TMTC2: variants seen among roughly 807,000 people sequenced by gnomAD.
TMTC2 encodes the protein protein O-mannosyl-transferase TMTC2.
TMTC2 carries 43 observed loss-of-function variants against 82.4 expected under a neutral mutation model. The ratio of observed to expected loss-of-function variants is 0.52; its 90% CI spans 0.41 to 0.67. The LOEUF is 0.67. TMTC2 is among the 30% of genes least tolerant of loss of function. The pLI is 0.00. For missense variants in TMTC2, 919 were observed against 1,012.4 expected, an observed-to-expected ratio of 0.91 and a Z score of 1.25; for synonymous variants, 408 against 381.9, an observed-to-expected ratio of 1.07 and a Z score of -0.80.
intron 7 of TMTC2, among the ~76,000 whole-genome samples, chr12:82,981,877 A>C (rs1878933658): frequency 6.6e-6 from 1 of 151,856 alleles, no homozygotes; most frequent in African/African-American, 2.4e-5. Flanking sequence ...AACTAAATGC[A>C]CTGATGGTAC....
At chr12:82,918,356 C>T (rs1875141888) in intron 3 of TMTC2, among the ~76,000 whole-genome samples, 1 of 152,168 alleles carries the variant, frequency 6.6e-6, no homozygotes, top group Admixed American at 6.5e-5. Flanking sequence ...ATGGAAGTAA[C>T]ACTTTGATTT....
chr12:82,966,774 G>A, intron 6 of TMTC2, 145 bp from the exon 7 acceptor site: 1 of 538,232 alleles, frequency 1.9e-6, no homozygotes, highest in South Asian at 2.8e-5. Context: ...GCCACAAAAG[G>A]ACAGTTCAAT....
chr12:82,965,960 A>G (rs894189989), intron 6 of TMTC2: 1 of 559,504 alleles, frequency 1.8e-6, no homozygotes, highest in African/African-American at 1.9e-5. Context: ...TAAAAATTTA[A>G]TAGATTTCTT....
chr12:83,032,545 T>A (rs1182284014), intron 9 of TMTC2, among the ~76,000 whole-genome samples: 7 of 151,026 alleles, frequency 4.6e-5, no homozygotes, highest in African/African-American at 1.7e-4. Flanking sequence ...CAAAAAAAAT[T>A]TTTTTTTTAA....
intron 1 of TMTC2, among the ~76,000 whole-genome samples, chr12:82,812,906 A>G (rs1446805270): frequency 6.6e-6 from 1 of 152,094 alleles, no homozygotes; most frequent in African/African-American, 2.4e-5. Flanking sequence ...TATCCCTATA[A>G]TAGCAACTTT....
chr12:82,706,566 T>A (rs1428547555), intron 1 of TMTC2, among the ~76,000 whole-genome samples: 1 of 152,134 alleles, frequency 6.6e-6, no homozygotes, highest in Middle Eastern at 3.2e-3. Flanking sequence ...ATTATAGGAT[T>A]ATATTGGCTA....
rs201902031 is a variant in TMTC2, at chr12:82,865,322, C to T, written c.654+7742C>T. On this transcript the variant is annotated intron_variant, in intron 2 of 11. Transcript: ENST00000321196. ...AATAAAGGGATGGAGGAAGATCTAC[C>T]AAGCAAATGGAAAACAAAAAATGAC... Among the ~76,000 whole-genome samples the T allele has an allele frequency of 2.0e-5, 3 of 152,062 alleles. No individual in the cohort carries two copies. The East Asian group carries it at 5.8e-4, about 29-fold the overall frequency.
At chr12:82,899,840 A>T in intron 3 of TMTC2, among the ~76,000 whole-genome samples, 1 of 143,726 alleles carries the variant, frequency 7.0e-6, no homozygotes, top group African/African-American at 2.6e-5. Context: ...ATATATATAC[A>T]TATCCGGAAT....
intron 11 of TMTC2, among the ~76,000 whole-genome samples, chr12:83,098,607 C>T (rs11115583): frequency 0.14 from 20,939 of 152,162 alleles, 1,613 homozygotes; most frequent in East Asian, 0.26. Context: ...ATTCTTTTCA[C>T]GCTTTTTTGT....
In TMTC2 at chr12:82,852,766, C is replaced by T. The variant is rs367568397; in HGVS notation, c.84-4244C>T. ...TTTTTCTTATTTTGCTGGAGGATTA[C>T]TCAGATTCTATTAAGGCCCTGTTGG... On this transcript the variant is annotated intron_variant, in intron 1 of 11. Transcript: ENST00000321196. Among the ~76,000 whole-genome samples, 3 of 152,256 alleles carry T rather than the reference C, an allele frequency of 2.0e-5. No homozygotes were observed. The East Asian group carries it at 5.8e-4, about 29-fold the overall frequency.
At chr12:82,809,116 A>G (rs538472909) in intron 1 of TMTC2, among the ~76,000 whole-genome samples, 73 of 150,368 alleles carry the variant, frequency 4.9e-4, no homozygotes, top group African/African-American at 1.7e-3. Context: ...TATAGTATTT[A>G]GAAATAGTAA....
intron 1 of TMTC2, among the ~76,000 whole-genome samples, chr12:82,808,379 G>A (rs984460184): frequency 6.6e-6 from 1 of 152,008 alleles, no homozygotes; most frequent in Non-Finnish European, 1.5e-5. Context: ...AGAAGGTGGT[G>A]TGTTAACTAC....
intron 1 of TMTC2, among the ~76,000 whole-genome samples, chr12:82,849,689 C>T (rs1870871535): frequency 6.6e-6 from 1 of 151,960 alleles, no homozygotes; most frequent in Non-Finnish European, 1.5e-5. Flanking sequence ...TACACAGTGC[C>T]ATACTATTTA....
chr12:82,944,261 AATACCG>A (rs1876870693), intron 4 of TMTC2, among the ~76,000 whole-genome samples: 1 of 152,146 alleles, frequency 6.6e-6, no homozygotes. Flanking sequence ...AATCCTAGGG[AATACCG>A]ATATTTAAGG....
At chr12:82,733,880 T>G (rs889005613) in intron 1 of TMTC2, among the ~76,000 whole-genome samples, 4 of 152,218 alleles carry the variant, frequency 2.6e-5, no homozygotes, top group African/African-American at 9.6e-5. Context: ...AAATGTGTGT[T>G]CTTTCAACTG....
chr12:82,877,198 A>C (rs1872625110), intron 2 of TMTC2, among the ~76,000 whole-genome samples: 1 of 152,228 alleles, frequency 6.6e-6, no homozygotes, highest in African/African-American at 2.4e-5. Flanking sequence ...CTACAACAGT[A>C]AACTAGGAAG....
chr12:82,849,139 T>C lies in TMTC2; in HGVS notation c.84-7871T>C, dbSNP rs535843904. Among the ~76,000 whole-genome samples, 4 of 152,134 alleles carry C rather than the reference T, an allele frequency of 2.6e-5. No homozygotes were observed. In the East Asian group the frequency reaches 7.7e-4, roughly 29 times the overall value. On this transcript the variant is annotated intron_variant, in intron 1 of 11. Transcript: ENST00000321196. ...CCTTTGTGGAGAGGAGTGCTGGTAT[T>C]AGAGTTACATTGCAGGAAGTTTTTC... is the stretch of plus-strand genomic sequence containing the variant.
intron 1 of TMTC2, among the ~76,000 whole-genome samples, chr12:82,730,925 T>C (rs1172060270): frequency 6.6e-6 from 1 of 152,268 alleles, no homozygotes; most frequent in Non-Finnish European, 1.5e-5. Context: ...TTGATTAATG[T>C]GTTTGCACAT....
At chr12:82,956,854 G>A (rs145541122) in intron 4 of TMTC2, among the ~76,000 whole-genome samples, 11 of 152,242 alleles carry the variant, frequency 7.2e-5, no homozygotes, top group African/African-American at 2.2e-4. Flanking sequence ...TCCTAAATAT[G>A]TATGCATTCC....
Sources: allele counts gnomAD v4.1 joint callset (sites outside exome capture counted in the v4.1 genomes callset), GRCh38; gene constraint gnomAD v4.1.1; transcripts MANE v1.5; gene names NCBI Gene and HGNC (gene_info 2026-07-23, HGNC 2026-07-21).